The following ZNF638 variants were observed in gnomAD, a reference collection of about 807,000 sequenced individuals.
The protein encoded by ZNF638 is zinc finger protein 638.
In ZNF638, 46 loss-of-function variants were observed where a neutral mutation model predicts 195.6. The ratio of observed to expected loss-of-function variants is 0.24; its 90% CI spans 0.19 to 0.30. The LOEUF is 0.30. Ranked by LOEUF, ZNF638 falls within the 10% of genes least tolerant of loss-of-function variation. ZNF638 has a pLI of 1.00. For synonymous variants in ZNF638, 845 were observed against 772.0 expected (o/e 1.09, Z -1.57); for missense variants, 2,440 against 2,325.3 (o/e 1.05, Z -1.01).
Position 71,426,818 on chromosome 2 carries a change from A to G in ZNF638, c.4949A>G (p.Asp1650Gly), listed in dbSNP as rs781631068. 3.7e-6 allele frequency: 6 copies of G among 1,613,338 alleles called. No individual in the cohort carries two copies. The highest frequency in any genetic ancestry group is 5.1e-6 in the Non-Finnish European group (6 of 1,179,626). The change falls in exon 24 of 28, where the codon GAC becomes GGC. Residue 1650 changes from aspartate (D) to glycine (G), a missense_variant. This residue lies in a region of ZNF638 where 1,883 missense variants were observed against 1,739.1 expected (regional missense o/e 1.08). Transcript: ENST00000264447. ...CTTTTTACATTAGATGAATTAATTG[A>G]CCAAGATGATTGCATTTCCCACAGT... is the stretch of plus-strand genomic sequence containing the variant. ...NSLFTLDELI[D>G]QDDCISHSEP...
In ZNF638 at chr2:71,426,718, G is replaced by A. The variant is rs148150743; in HGVS notation, c.4849G>A (p.Ala1617Thr). 3.3e-4 allele frequency: 525 copies of A among 1,614,188 alleles called. 1 individual carries two copies. Among genetic ancestry groups the A allele is most frequent in the Non-Finnish European group, 4.1e-4 (478 of 1,180,018 alleles). ...AGATGCAGCTGCACATCTAGCACAAGCTCTAGTCACTGTGGATGAAGTAAT... is the reference window on the plus strand; with the variant it reads ...AGATGCAGCTGCACATCTAGCACAAACTCTAGTCACTGTGGATGAAGTAAT... ...EEDAAAHLAQ[A>T]LVTVDEVIDE... Residue 1617 changes from alanine (A) to threonine (T), a missense_variant, in exon 24 of 28, where the codon GCT becomes ACT. By Grantham distance (58) the Ala-to-Thr change is moderately conservative (BLOSUM62 0). Around this residue, in one of 5 missense-constraint regions of ZNF638, gnomAD observed 1,883 missense variants for 1,739.1 expected, o/e 1.08. Coordinates refer to ENST00000264447, the MANE Select transcript of ZNF638 (RefSeq NM_014497.5).
chr2:71,335,288 A>G (rs951896063), intron 1 of ZNF638, among the ~76,000 whole-genome samples: 1 of 151,974 alleles, frequency 6.6e-6, no homozygotes, highest in Non-Finnish European at 1.5e-5. Flanking sequence ...CCATCCTCCC[A>G]CCTTAACCCG....
chr2:71,360,071 C>G (rs1331450091), intron 3 of ZNF638, among the ~76,000 whole-genome samples: 2 of 152,174 alleles, frequency 1.3e-5, no homozygotes, highest in African/African-American at 4.8e-5. Context: ...AGACAATTTC[C>G]CTACCATCAT....
intron 10 of ZNF638, chr2:71,395,757 C>A (rs2079879951): frequency 5.2e-6 from 2 of 386,616 alleles, no homozygotes; most frequent in Non-Finnish European, 9.7e-6. Context: ...ATGCAAAATA[C>A]CTGTGTCTGT....
chr2:71,420,955 G>A (rs2080419506), intron 21 of ZNF638, among the ~76,000 whole-genome samples: 1 of 152,128 alleles, frequency 6.6e-6, no homozygotes, highest in African/African-American at 2.4e-5. Flanking sequence ...TTTCAAGTAT[G>A]GAACTGCATA....
chr2:71,387,660 CTCA>C (rs111295176), intron 10 of ZNF638, among the ~76,000 whole-genome samples: 110,798 of 149,196 alleles, frequency 0.74, 41,433 homozygotes, highest in Admixed American at 0.77. Context: ...GCAAGACTCT[CTCA>C]AAAAAAAAAA....
At chr2:71,397,636 T>C (rs1459318096) in intron 11 of ZNF638, among the ~76,000 whole-genome samples, 1 of 152,238 alleles carries the variant, frequency 6.6e-6, no homozygotes, top group Non-Finnish European at 1.5e-5. Flanking sequence ...AAAATTGGAA[T>C]TCAATTTAGA....
intron 12 of ZNF638, among the ~76,000 whole-genome samples, 200 bp from the exon 13 acceptor site, chr2:71,399,359 C>T (rs1195950825): frequency 6.6e-6 from 1 of 152,098 alleles, no homozygotes; most frequent in Non-Finnish European, 1.5e-5. Context: ...TTGACGGCAT[C>T]ACCAAAAAGT....
intron 10 of ZNF638, among the ~76,000 whole-genome samples, chr2:71,387,275 A>G (rs2079660621): frequency 6.6e-6 from 1 of 152,196 alleles, no homozygotes; most frequent in Non-Finnish European, 1.5e-5. Flanking sequence ...ATTTCCCAAA[A>G]CATACAAAAC....
intron 3 of ZNF638, among the ~76,000 whole-genome samples, chr2:71,362,524 C>T (rs1320469953): frequency 6.6e-6 from 1 of 152,210 alleles, no homozygotes; most frequent in Non-Finnish European, 1.5e-5. Flanking sequence ...GACAGCCTGT[C>T]CAAGTTTCCC....
chr2:71,421,627 G>A (rs899986401), intron 21 of ZNF638, among the ~76,000 whole-genome samples: 1 of 152,064 alleles, frequency 6.6e-6, no homozygotes, highest in African/African-American at 2.4e-5. Context: ...AGGGTACATG[G>A]CCACCCTCTA....
rs144172357 is a variant in ZNF638, at chr2:71,427,105, T to A, written c.5236T>A (p.Leu1746Met). The change falls in exon 24 of 28, where the codon TTG (leucine) becomes ATG (methionine). Residue 1746 changes from leucine to methionine, a missense_variant. Leu to Met is a conservative substitution (Grantham distance 15, BLOSUM62 2). Coordinates refer to ENST00000264447, the MANE Select transcript of ZNF638 (RefSeq NM_014497.5). ...VDEIQDDSSD[L>M]HLVTLDEVTE... ...TGAAATACAAGATGACAGCAGTGAT[T>A]TGCATTTAGTGACTTTGGATGAAGT... The A allele has an allele frequency of 1.2e-6, 2 of 1,614,062 alleles. No homozygotes were observed. The highest frequency in any genetic ancestry group is 2.7e-5 in the African/African-American group (2 of 74,930).
chr2:71,422,226 T>C (rs1010537577), intron 21 of ZNF638, among the ~76,000 whole-genome samples: 6 of 152,238 alleles, frequency 3.9e-5, no homozygotes, highest in Admixed American at 3.3e-4. Flanking sequence ...TAAAGAATAC[T>C]TTCCAAATAA....
intron 1 of ZNF638, among the ~76,000 whole-genome samples, chr2:71,347,394 A>G (rs1252466270): frequency 6.6e-6 from 1 of 152,338 alleles, no homozygotes; most frequent in Non-Finnish European, 1.5e-5. Context: ...GGTGTTAACC[A>G]GATAAAGACC....
chr2:71,389,756 G>T (rs935888098), intron 10 of ZNF638, among the ~76,000 whole-genome samples: 1 of 152,100 alleles, frequency 6.6e-6, no homozygotes, highest in South Asian at 2.1e-4. Context: ...GCCATTTTTT[G>T]AATTTATCAA....
Position 71,424,049 on chromosome 2 carries a change from T to C in ZNF638, c.4524+11T>C, listed in dbSNP as rs757568754. 6.2e-7 allele frequency: 1 copy of C among 1,608,664 alleles called. No individual in the cohort carries two copies. The highest frequency in any genetic ancestry group is 8.5e-7 in the Non-Finnish European group (1 of 1,177,054). On this transcript the variant is annotated intron_variant, in intron 22 of 27. Coordinates refer to ENST00000264447, the MANE Select transcript of ZNF638 (RefSeq NM_014497.5). ...GACAGCAACAATAAGGTGAGGAGGG[T>C]AGGAAGAATGGCACAGTGTGTCTTT...
intron 1 of ZNF638, among the ~76,000 whole-genome samples, chr2:71,343,484 T>G (rs2078798707): frequency 6.6e-6 from 1 of 152,174 alleles, no homozygotes; most frequent in South Asian, 2.1e-4. Context: ...TGTTCCTGCC[T>G]GCCAATAAGT....
chr2:71,332,654 G>C (rs1246842156), intron 1 of ZNF638, among the ~76,000 whole-genome samples: 2 of 152,216 alleles, frequency 1.3e-5, no homozygotes. Flanking sequence ...TTCTCTTAAA[G>C]GAAGGGGGAA....
In ZNF638 at chr2:71,347,032, G is replaced by GA. The variant is rs1043938079; in HGVS notation, c.-202-1711dup. 5.3e-3 allele frequency among the ~76,000 whole-genome samples: 773 copies of GA among 144,660 alleles called. 4 individuals are homozygous for GA. Among genetic ancestry groups the GA allele is most frequent in the African/African-American group, 0.018 (731 of 40,044 alleles). The allele number at this position is 144,660 out of a possible 152,430, so 94.9% of individuals were successfully genotyped here. ...AAGTGCATCCCTGTCTTTAAAAAAA[G>GA]AAAAAAAAAAGAAAGATTATTGGAA... On this transcript the variant is annotated intron_variant, in intron 1 of 27. Transcript: ENST00000264447.
Sources: allele counts gnomAD v4.1 joint callset (sites outside exome capture counted in the v4.1 genomes callset), GRCh38; gene constraint gnomAD v4.1.1; regional missense constraint gnomAD v4.1.1; transcripts MANE v1.5; gene names NCBI Gene and HGNC (gene_info 2026-07-23, HGNC 2026-07-21).